SIRPA: variants seen among roughly 807,000 people sequenced by gnomAD.
SIRPA encodes the protein tyrosine-protein phosphatase non-receptor type substrate 1.
A neutral mutation model predicts 50.3 loss-of-function variants in SIRPA; 9 were observed. The observed-to-expected ratio is 0.18, with a 90% CI of 0.11 to 0.31. The LOEUF is 0.31. Ranked by LOEUF, SIRPA falls within the 10% of genes least tolerant of loss-of-function variation. SIRPA has a pLI of 1.00. For synonymous variants in SIRPA, 265 were observed against 284.1 expected (o/e 0.93, Z 0.68); for missense variants, 474 against 661.6 (o/e 0.72, Z 3.11).
Position 1,937,729 on chromosome 20 carries a change from G to T in SIRPA, c.*161G>T. On this transcript the variant is annotated 3_prime_UTR_variant, in exon 8 of 8. Coordinates refer to ENST00000358771, the MANE Select transcript of SIRPA (RefSeq NM_001040023.2). This position sits in a 1 kb window ranked among gnomAD's most constrained non-coding sequence, Gnocchi z 8.3. ...GCTCTTCTCTCCCCACCCCTCCTTG[G>T]CTCTCCAGCACTTCCTGGGCAGCCA... is the stretch of plus-strand genomic sequence containing the variant. The T allele has an allele frequency of 9.3e-6, 8 of 863,944 alleles. No homozygotes were observed. Among genetic ancestry groups the T allele is most frequent in the African/African-American group, 1.7e-5 (1 of 58,936 alleles). 53.5% of individuals were successfully genotyped at this position (863,944 alleles called of 1,614,324 possible).
At position 1,924,917 on chromosome 20, in the gene SIRPA, TG is replaced by T. The variant is rs762400403; in HGVS notation, c.1201+42del. ...CTCTTCCTCCCTAAGGGTTTGTCCCTGGACTGTCCTCGGAGGGAGACGCCAT... is the reference window on the plus strand; with the variant it reads ...CTCTTCCTCCCTAAGGGTTTGTCCCTGACTGTCCTCGGAGGGAGACGCCAT... On this transcript the variant is annotated intron_variant, in intron 5 of 7. Transcript: ENST00000358771. This position sits in a 1 kb window ranked among gnomAD's most constrained non-coding sequence, Gnocchi z 4.5. The T allele has an allele frequency of 6.5e-7, 1 of 1,532,280 alleles. No individual in the cohort carries two copies. The highest frequency in any genetic ancestry group is 2.3e-5 in the East Asian group (1 of 44,414). The allele number at this position is 1,532,280 out of a possible 1,614,324, so 94.9% of individuals were successfully genotyped here.
In SIRPA at chr20:1,898,502, T is replaced by C. The variant is rs762262792; in HGVS notation, c.79+2976T>C. ...GGCGTTCCAGGCCGGATGCTGCTCC[T>C]GCGTCGTCTCACCCGCAAGACATGG... On this transcript the variant is annotated intron_variant, in intron 1 of 7. Transcript: ENST00000358771. This position sits in a 1 kb window ranked among gnomAD's most constrained non-coding sequence, Gnocchi z 4.3. Among the ~76,000 whole-genome samples the C allele has an allele frequency of 2.0e-5, 3 of 152,250 alleles. No homozygotes were observed. In the East Asian group the frequency reaches 5.8e-4, roughly 30 times the overall value.
chr20:1,914,550 G>A (rs1347930544), intron 1 of SIRPA, among the ~76,000 whole-genome samples: 2 of 140,444 alleles, frequency 1.4e-5, no homozygotes, highest in Non-Finnish European at 3.1e-5. Context: ...ACTGGCACGA[G>A]TCTACATTGG....
chr20:1,937,353 C>T lies in SIRPA; in HGVS notation c.1300C>T (p.Leu434=). Reference sequence around the variant, plus strand: ...TGATATCACATATGCAGACCTGAACCTGCCCAAGGGGAAGAAGCCTGCTCC... The same window carrying T: ...TGATATCACATATGCAGACCTGAACTTGCCCAAGGGGAAGAAGCCTGCTCC... ...TNDITYADLN[L]PKGKKPAPQA... is the part of the protein sequence containing the mutation. The change falls in exon 8 of 8, where the codon CTG becomes TTG. Residue 434 remains leucine (L), a synonymous_variant. Transcript: ENST00000358771. This position sits in a 1 kb window ranked among gnomAD's most constrained non-coding sequence, Gnocchi z 8.3. 1 of 1,614,112 alleles carries T rather than the reference C, an allele frequency of 6.2e-7. No individual in the cohort carries two copies. The highest frequency in any genetic ancestry group is 1.1e-5 in the South Asian group (1 of 91,084).
At chr20:1,925,426 A>G (rs1239132467) in intron 5 of SIRPA, among the ~76,000 whole-genome samples, 9 of 152,346 alleles carry the variant, frequency 5.9e-5, no homozygotes, top group Admixed American at 2.0e-4. Flanking sequence ...GAGCCCAGAA[A>G]TATGAGCCAC....
chr20:1,895,555 C>A (rs1568490190), intron 1 of SIRPA, 29 bp downstream of exon 1: 2 of 1,400,246 alleles, frequency 1.4e-6, no homozygotes, highest in Non-Finnish European at 1.9e-6. Flanking sequence ...CCCACCGCTG[C>A]ACTCCCCAAA....
At chr20:1,901,021 T>G (rs1984161104) in intron 1 of SIRPA, among the ~76,000 whole-genome samples, 1 of 152,192 alleles carries the variant, frequency 6.6e-6, no homozygotes, top group African/African-American at 2.4e-5. Flanking sequence ...ACAGAGCCTA[T>G]GTGGTTAACT....
Position 1,915,463 on chromosome 20 carries a change from C to G in SIRPA, c.436+8C>G, listed in dbSNP as rs1405421992. 1 of 1,612,634 alleles carries G rather than the reference C, an allele frequency of 6.2e-7. No homozygotes were observed. The highest frequency in any genetic ancestry group is 2.2e-5 in the East Asian group (1 of 44,856). On this transcript the variant is annotated splice_region_variant and intron_variant, in intron 2 of 7. Coordinates refer to ENST00000358771, the MANE Select transcript of SIRPA (RefSeq NM_001040023.2). ...CTGAGCTGTCTGTGCGCGGTGAGTA[C>G]AGCGTGGGCCTCCTTTGCCTCTGGT...
chr20:1,926,160 C>G (rs926362260), intron 5 of SIRPA, among the ~76,000 whole-genome samples: 1 of 152,222 alleles, frequency 6.6e-6, no homozygotes, highest in Non-Finnish European at 1.5e-5. Context: ...AGATACTGGC[C>G]AAGCCTGATG....
At chr20:1,919,515 GC>G (rs1985516110) in intron 2 of SIRPA, among the ~76,000 whole-genome samples, 1 of 152,216 alleles carries the variant, frequency 6.6e-6, no homozygotes, top group African/African-American at 2.4e-5. Context: ...GGCCTCGGGG[GC>G]CAAGGTAGGG....
rs773754915 is a variant in SIRPA, at chr20:1,937,338, T to C, written c.1285T>C (p.Tyr429His). Residue 429 changes from tyrosine to histidine, a missense_variant, in exon 8 of 8, where the codon TAT (tyrosine) becomes CAT (histidine). Tyr to His is a moderately conservative substitution (Grantham distance 83, BLOSUM62 2). Transcript: ENST00000358771. The surrounding 1 kb of genome is among the most constrained non-coding windows in gnomAD (Gnocchi z 8.3). The stretch of plus-strand genomic sequence containing the variant: ...AATCCAGGACACAAATGATATCACA[T>C]ATGCAGACCTGAACCTGCCCAAGGG... The part of the protein sequence containing the change: ...EITQDTNDIT[Y>H]ADLNLPKGKK... The C allele has an allele frequency of 6.2e-7, 1 of 1,613,874 alleles. No homozygotes were observed. The highest frequency in any genetic ancestry group is 2.2e-5 in the East Asian group (1 of 44,834).
At chr20:1,904,781 G>A (rs114360250) in intron 1 of SIRPA, among the ~76,000 whole-genome samples, 2,088 of 152,172 alleles carry the variant, frequency 0.014, 57 homozygotes, top group African/African-American at 0.048. Flanking sequence ...GGCTTGGCTC[G>A]GCTCCTCTCT....
In SIRPA at chr20:1,906,948, G is replaced by C. The variant is rs570819028; in HGVS notation, c.80-8151G>C. ...TTCTAACCACAGAGCCTCTGACCTG[G>C]GGAGGGAGGGGGCTGCATTTCCTGT... On this transcript the variant is annotated intron_variant, in intron 1 of 7. Transcript: ENST00000358771. Among the ~76,000 whole-genome samples, 312 of 152,324 alleles carry C rather than the reference G, an allele frequency of 2.0e-3. 4 individuals are homozygous for C. The highest frequency in any genetic ancestry group is 5.3e-4 in the Non-Finnish European group (36 of 68,024).
intron 6 of SIRPA, among the ~76,000 whole-genome samples, chr20:1,930,509 G>A (rs1214664718): frequency 2.0e-5 from 3 of 152,238 alleles, no homozygotes; most frequent in Non-Finnish European, 1.5e-5. Context: ...TGCCTTCTCT[G>A]AATCCCTAAA....
At chr20:1,897,415 T>A (rs1220856385) in intron 1 of SIRPA, among the ~76,000 whole-genome samples, 1 of 152,218 alleles carries the variant, frequency 6.6e-6, no homozygotes, top group East Asian at 1.9e-4. Context: ...TCCTTCAGTA[T>A]CTGTTCTTCG....
rs548509246 is a variant in SIRPA at position 1,905,147 on chromosome 20, G to A, written c.79+9621G>A. On this transcript the variant is annotated intron_variant, in intron 1 of 7. Coordinates refer to ENST00000358771, the MANE Select transcript of SIRPA (RefSeq NM_001040023.2). ...TAGTGTCAGCTTGGGGAAAAATCCC[G>A]TCAGTCCGGAGACTGTCTGCTGCCG... 2.0e-4 allele frequency among the ~76,000 whole-genome samples: 30 copies of A among 152,324 alleles called. No individual in the cohort carries two copies. In the South Asian group the frequency reaches 4.4e-3, roughly 22 times the overall value.
intron 2 of SIRPA, among the ~76,000 whole-genome samples, chr20:1,916,860 G>T (rs1985333878): frequency 6.6e-6 from 1 of 152,216 alleles, no homozygotes; most frequent in Admixed American, 6.5e-5. Context: ...CAGAGGGGGT[G>T]TGTGTTTTAA....
chr20:1,930,707 C>T (rs1209092310), intron 6 of SIRPA, among the ~76,000 whole-genome samples: 1 of 152,244 alleles, frequency 6.6e-6, no homozygotes, highest in East Asian at 1.9e-4. Context: ...TCTCCTGCCT[C>T]AGCCTCCTGA....
chr20:1,905,101 T>C (rs1445000426), intron 1 of SIRPA, among the ~76,000 whole-genome samples: 1 of 152,226 alleles, frequency 6.6e-6, no homozygotes, highest in Non-Finnish European at 1.5e-5. Context: ...TGCAAAATGC[T>C]CTATAAAAGG....
Sources: allele counts gnomAD v4.1 joint callset (sites outside exome capture counted in the v4.1 genomes callset), GRCh38; gene constraint gnomAD v4.1.1; non-coding constraint Gnocchi (gnomAD v3.1); transcripts MANE v1.5; gene names NCBI Gene and HGNC (gene_info 2026-07-23, HGNC 2026-07-21).